MTR: variants seen among roughly 807,000 people sequenced by gnomAD.
MTR encodes 5-methyltetrahydrofolate-homocysteine methyltransferase, also known as methionine synthase.
MTR carries 84 observed loss-of-function variants against 154.8 expected under a neutral mutation model. That is an observed-to-expected ratio of 0.54 (90% CI 0.45 to 0.65). The LOEUF is 0.65. MTR is among the 30% of genes least tolerant of loss of function. MTR has a pLI of 0.00. For synonymous variants in MTR, 554 were observed against 553.9 expected, an observed-to-expected ratio of 1.00 and a Z score of 0.00; for missense variants, 1,275 against 1,570.2, an observed-to-expected ratio of 0.81 and a Z score of 3.18.
chr1:236,898,654 C>T lies in MTR; in HGVS notation c.*1010C>T, dbSNP rs960757662. The T allele has an allele frequency of 6.6e-5, 10 of 152,296 alleles. No homozygotes were observed. The highest frequency in any genetic ancestry group is 1.7e-4 in the African/African-American group (7 of 41,556). The allele number at this position is 152,296 out of a possible 1,614,324, so 9.4% of individuals were successfully genotyped here. Reference sequence around the variant, plus strand: ...GGTCTTGATCTCCCGACCTCGTGATCTGCCCACCTCAGCCTCCCAAAATGC... The same window carrying T: ...GGTCTTGATCTCCCGACCTCGTGATTTGCCCACCTCAGCCTCCCAAAATGC... On this transcript the variant is annotated 3_prime_UTR_variant, in exon 33 of 33. Transcript: ENST00000366577.
At chr1:236,845,876 A>T (rs1182676780) in intron 15 of MTR, among the ~76,000 whole-genome samples, 1 of 152,088 alleles carries the variant, frequency 6.6e-6, no homozygotes, top group Non-Finnish European at 1.5e-5. Flanking sequence ...ATGCTATTGG[A>T]TGTAGCAATC....
intron 24 of MTR, among the ~76,000 whole-genome samples, chr1:236,875,596 T>C (rs1407786773): frequency 6.6e-6 from 1 of 152,158 alleles, no homozygotes; most frequent in Non-Finnish European, 1.5e-5. Flanking sequence ...CCATAGCATC[T>C]AGTTTATTTT....
At chr1:236,820,559 G>T in intron 8 of MTR, 1 of 623,944 alleles carries the variant, frequency 1.6e-6, no homozygotes, top group South Asian at 1.9e-5. Context: ...ATGGAAATAA[G>T]GCTGATGGAA....
chr1:236,844,586 T>A (rs1038160620), intron 15 of MTR, among the ~76,000 whole-genome samples: 7 of 151,952 alleles, frequency 4.6e-5, no homozygotes, highest in Non-Finnish European at 1.5e-5. Context: ...AGATAAAGGA[T>A]ACATTTGCCA....
At chr1:236,841,350 CTTTA>C (rs886448788) in intron 15 of MTR, among the ~76,000 whole-genome samples, 4 of 152,188 alleles carry the variant, frequency 2.6e-5, no homozygotes, top group African/African-American at 4.8e-5. Flanking sequence ...CTTTCTCACT[CTTTA>C]TTTGTTTTCT....
At chr1:236,859,674 A>G (rs1014419591) in intron 18 of MTR, among the ~76,000 whole-genome samples, 159 bp from the exon 19 acceptor site, 2 of 152,204 alleles carry the variant, frequency 1.3e-5, no homozygotes, top group African/African-American at 4.8e-5. Context: ...TCCCTCAAAC[A>G]TTCATTGAGA....
At chr1:236,875,292 T>G (rs528720995) in intron 24 of MTR, among the ~76,000 whole-genome samples, 23 of 152,294 alleles carry the variant, frequency 1.5e-4, no homozygotes, top group African/African-American at 5.5e-4. Flanking sequence ...TGTAGTAGTT[T>G]GGAGACAGAA....
At chr1:236,829,637 A>T (rs1344314837) in intron 12 of MTR, among the ~76,000 whole-genome samples, 2 of 152,200 alleles carry the variant, frequency 1.3e-5, no homozygotes, top group East Asian at 3.8e-4. Flanking sequence ...GCCAAGGTGT[A>T]ATGTTTGGTG....
At chr1:236,863,343 C>A in intron 21 of MTR, 111 bp from the exon 22 acceptor site, 1 of 846,640 alleles carries the variant, frequency 1.2e-6, no homozygotes, top group Non-Finnish European at 2.0e-6. Context: ...CTTTGAGGTG[C>A]TCTTGGTTGT....
intron 18 of MTR, among the ~76,000 whole-genome samples, chr1:236,854,661 T>A (rs77741950): frequency 5.3e-5 from 8 of 152,284 alleles, no homozygotes; most frequent in Non-Finnish European, 1.0e-4. Flanking sequence ...ATGCTGTGTT[T>A]TTATCTTTTC....
intron 22 of MTR, among the ~76,000 whole-genome samples, chr1:236,868,172 T>C (rs1664923156): frequency 6.6e-6 from 1 of 152,182 alleles, no homozygotes; most frequent in African/African-American, 2.4e-5. Flanking sequence ...ACCCCAAACT[T>C]CTGCAGCCAC....
chr1:236,855,466 C>T (rs1047703583), intron 18 of MTR, among the ~76,000 whole-genome samples: 4 of 152,116 alleles, frequency 2.6e-5, no homozygotes, highest in Admixed American at 1.3e-4. Context: ...GCCAGGCCTC[C>T]TATGGAGTGG....
chr1:236,795,825 G>T (rs1262374178), intron 1 of MTR, 88 bp downstream of exon 1: 2 of 1,596,880 alleles, frequency 1.3e-6, no homozygotes, highest in African/African-American at 1.3e-5. Context: ...TCCCTTCTGC[G>T]GCGGGAGACG....
Position 236,897,797 on chromosome 1 carries a change from A to AG in MTR, c.*154dup. ...CGAAGACTATTTAGTGGAACCTTGT[A>AG]GAGGAGCAGGGTCTTCCTGCAGTGC... is the stretch of plus-strand genomic sequence containing the variant. On this transcript the variant is annotated 3_prime_UTR_variant, in exon 33 of 33. Coordinates refer to ENST00000366577, the MANE Select transcript of MTR (RefSeq NM_000254.3). 4.3e-6 allele frequency: 3 copies of AG among 702,720 alleles called. No individual in the cohort carries two copies. The South Asian group carries it at 5.1e-5, about 12-fold the overall frequency. The allele number at this position is 702,720 out of a possible 1,614,324, so 43.5% of individuals were successfully genotyped here.
intron 29 of MTR, among the ~76,000 whole-genome samples, chr1:236,892,189 T>C (rs1666365566): frequency 1.3e-5 from 2 of 152,188 alleles, no homozygotes; most frequent in East Asian, 3.9e-4. Flanking sequence ...ATAATAATGT[T>C]GGCTGGGCAC....
Position 236,891,139 on chromosome 1 carries a change from A to T in MTR, c.3014A>T (p.Glu1005Val). The T allele has an allele frequency of 6.2e-7, 1 of 1,614,130 alleles. No homozygotes were observed. The highest frequency in any genetic ancestry group is 8.5e-7 in the Non-Finnish European group (1 of 1,180,014). The change falls in exon 29 of 33, where the codon GAG (glutamate) becomes GTG (valine). Residue 1005 changes from glutamate (E) to valine (V), a missense_variant. Coordinates refer to ENST00000366577, the MANE Select transcript of MTR (RefSeq NM_000254.3). The part of the protein sequence containing the change: ...KIFNDKTVGG[E>V]ARKVYDDAHN... Reference sequence around the variant, plus strand: ...AATTCTGTTTTTCTAATAGGTGGAGAGGCCAGGAAGGTCTACGATGATGCC... The same window carrying T: ...AATTCTGTTTTTCTAATAGGTGGAGTGGCCAGGAAGGTCTACGATGATGCC...
At chr1:236,800,214 T>C (rs1572177230) in intron 1 of MTR, 1 of 985,444 alleles carries the variant, frequency 1.0e-6, no homozygotes, top group African/African-American at 1.7e-5. Context: ...AATAATAGGA[T>C]ATTGATTGAT....
rs769542845 is a variant in MTR, at chr1:236,894,388, A to C, written c.3236A>C (p.Tyr1079Ser). The C allele has an allele frequency of 1.9e-6, 3 of 1,614,206 alleles. No homozygotes were observed. In the South Asian group the frequency reaches 3.3e-5, roughly 18 times the overall value. Residue 1079 changes from tyrosine (Y) to serine (S), a missense_variant, in exon 30 of 33, where the codon TAC becomes TCC. Transcript: ENST00000366577. ...AEKDSASTEPYYCLSDFIAPL... is the reference protein window; with the variant it reads ...AEKDSASTEPSYCLSDFIAPL... Reference sequence around the variant, plus strand: ...AAGGACTCTGCCAGCACGGAGCCATACTACTGCCTCTCAGACTTCATCGCT... The same window carrying C: ...AAGGACTCTGCCAGCACGGAGCCATCCTACTGCCTCTCAGACTTCATCGCT...
At chr1:236,895,298 TGCACTGATGCTGTGA>T in intron 30 of MTR, 45 bp from the exon 31 acceptor site, 2 of 1,533,488 alleles carry the variant, frequency 1.3e-6, no homozygotes, top group Non-Finnish European at 1.8e-6. Flanking sequence ...GGGTGGAGGC[TGCACTGATGCTGTGA>T]GCCCCTGCGT....
Sources: allele counts gnomAD v4.1 joint callset (sites outside exome capture counted in the v4.1 genomes callset), GRCh38; gene constraint gnomAD v4.1.1; transcripts MANE v1.5; gene names NCBI Gene and HGNC (gene_info 2026-07-23, HGNC 2026-07-21).